Variants in CNTN5 observed in about 807,000 individuals in gnomAD.
The protein encoded by CNTN5 is contactin-5.
Under a neutral mutation model 129.1 loss-of-function variants are expected in CNTN5, and 77 were observed. The ratio of observed to expected loss-of-function variants is 0.60; its 90% CI spans 0.50 to 0.72. CNTN5 has a LOEUF of 0.72. Ranked by LOEUF, CNTN5 falls within the 30% of genes least tolerant of loss-of-function variation. CNTN5 has a pLI of 0.00. For synonymous variants in CNTN5, 509 were observed against 465.6 expected, an observed-to-expected ratio of 1.09 and a Z score of -1.20; for missense variants, 1,478 against 1,328.8, an observed-to-expected ratio of 1.11 and a Z score of -1.75.
At chr11:100,202,474 T>C (rs961553509) in intron 15 of CNTN5, among the ~76,000 whole-genome samples, 5 of 151,448 alleles carry the variant, frequency 3.3e-5, no homozygotes, top group Non-Finnish European at 5.9e-5. Flanking sequence ...TATTTATACA[T>C]TTCACTATCA....
intron 3 of CNTN5, among the ~76,000 whole-genome samples, chr11:99,698,313 A>G (rs907644576): frequency 6.6e-6 from 1 of 151,336 alleles, no homozygotes; most frequent in Non-Finnish European, 1.5e-5. Flanking sequence ...GATTATTTAA[A>G]ATGTCTAGAG....
At chr11:100,308,675 C>T in intron 21 of CNTN5, 1 of 1,191,770 alleles carries the variant, frequency 8.4e-7, no homozygotes, top group Non-Finnish European at 1.0e-6. Context: ...GCTTCCGTAG[C>T]ACTATGCAAA....
intron 3 of CNTN5, among the ~76,000 whole-genome samples, chr11:99,633,309 C>A (rs1951432431): frequency 6.6e-6 from 1 of 152,082 alleles, no homozygotes; most frequent in Non-Finnish European, 1.5e-5. Flanking sequence ...TCCTGCTATG[C>A]CTGCATTGTA....
chr11:99,783,237 C>T (rs1321932971), intron 3 of CNTN5, among the ~76,000 whole-genome samples: 1 of 97,050 alleles, frequency 1.0e-5, no homozygotes, highest in African/African-American at 4.1e-5. Flanking sequence ...CATCACTGGC[C>T]ATCAGAGAAA....
intron 1 of CNTN5, among the ~76,000 whole-genome samples, chr11:99,279,610 T>A (rs373635417): frequency 2.0e-5 from 3 of 151,772 alleles, no homozygotes; most frequent in African/African-American, 7.3e-5. Context: ...TGGACTGATA[T>A]GGTTGTCATT....
intron 8 of CNTN5, among the ~76,000 whole-genome samples, chr11:99,997,637 C>G (rs1939544287): frequency 6.6e-6 from 1 of 152,142 alleles, no homozygotes; most frequent in Admixed American, 6.5e-5. Flanking sequence ...AAGAGGGAAT[C>G]CTCCCTAACT....
chr11:99,987,537 A>G, intron 8 of CNTN5, among the ~76,000 whole-genome samples: 1 of 150,214 alleles, frequency 6.7e-6, no homozygotes, highest in Middle Eastern at 3.6e-3. Context: ...ATATATATAT[A>G]TATATACACA....
intron 1 of CNTN5, among the ~76,000 whole-genome samples, chr11:99,201,357 T>TCCTC (rs1859186493): frequency 7.1e-6 from 1 of 141,284 alleles, no homozygotes; most frequent in African/African-American, 2.7e-5. Context: ...TTCCTTTCCT[T>TCCTC]CCTTCCTTCC....
At chr11:100,156,932 A>G (rs371224072) in intron 13 of CNTN5, among the ~76,000 whole-genome samples, 1 of 151,908 alleles carries the variant, frequency 6.6e-6, no homozygotes, top group East Asian at 1.9e-4. Flanking sequence ...GTCTTTTTAA[A>G]AAACCAGCTC....
chr11:99,030,362 C>A (rs2135085570), intron 1 of CNTN5, among the ~76,000 whole-genome samples: 1 of 152,154 alleles, frequency 6.6e-6, no homozygotes, highest in East Asian at 1.9e-4. Flanking sequence ...CTCTAGTATT[C>A]TAAATATGCA....
intron 1 of CNTN5, among the ~76,000 whole-genome samples, chr11:99,066,296 G>A (rs915165005): frequency 6.6e-6 from 1 of 151,876 alleles, no homozygotes; most frequent in Non-Finnish European, 1.5e-5. Context: ...TGGAGATGGG[G>A]TTTCACCATG....
chr11:100,073,529 T>A (rs2137884697), intron 12 of CNTN5, among the ~76,000 whole-genome samples: 1 of 151,956 alleles, frequency 6.6e-6, no homozygotes, highest in South Asian at 2.1e-4. Context: ...ATCTTTCAGG[T>A]TCTCTTTTAG....
intron 1 of CNTN5, among the ~76,000 whole-genome samples, chr11:99,311,662 A>C (rs1451164381): frequency 6.6e-6 from 1 of 152,184 alleles, no homozygotes; most frequent in East Asian, 1.9e-4. Context: ...TTTATTTTCA[A>C]GTGGTTCTTG....
At chr11:100,176,417 T>C (rs1947964599) in intron 13 of CNTN5, among the ~76,000 whole-genome samples, 1 of 152,152 alleles carries the variant, frequency 6.6e-6, no homozygotes, top group Non-Finnish European at 1.5e-5. Context: ...TTCAAGCCAA[T>C]AGTTATTTTT....
intron 4 of CNTN5, among the ~76,000 whole-genome samples, chr11:99,833,867 C>T (rs1267069643): frequency 3.3e-5 from 5 of 152,110 alleles, no homozygotes; most frequent in South Asian, 2.1e-4. Flanking sequence ...GTTGCTGTGT[C>T]GCTTCCTTCT....
intron 3 of CNTN5, among the ~76,000 whole-genome samples, chr11:99,750,790 A>G (rs1944206421): frequency 6.6e-6 from 1 of 152,226 alleles, no homozygotes; most frequent in Admixed American, 6.5e-5. Context: ...ATTCCCTCTT[A>G]AAGCATCAGA....
At chr11:99,281,664 C>T (rs1451734731) in intron 1 of CNTN5, among the ~76,000 whole-genome samples, 1 of 151,938 alleles carries the variant, frequency 6.6e-6, no homozygotes, top group Non-Finnish European at 1.5e-5. Flanking sequence ...TAGTTTCCCT[C>T]TTCTTTTGCT....
At chr11:99,988,670 G>A (rs922728587) in intron 8 of CNTN5, among the ~76,000 whole-genome samples, 1 of 152,182 alleles carries the variant, frequency 6.6e-6, no homozygotes, top group South Asian at 2.1e-4. Context: ...AAGACAGGAA[G>A]GGACCGAGTC....
intron 2 of CNTN5, among the ~76,000 whole-genome samples, chr11:99,402,489 T>C (rs1041000479): frequency 1.3e-5 from 2 of 152,148 alleles, no homozygotes; most frequent in Non-Finnish European, 2.9e-5. Context: ...TTGTTAAGGG[T>C]TTTTGCATCA....
Sources: gnomAD v4.1 joint callset for allele counts (sites outside exome capture counted in the v4.1 genomes callset) on GRCh38, gnomAD v4.1.1 for gene constraint, MANE v1.5 for transcripts, NCBI Gene and HGNC (gene_info 2026-07-23, HGNC 2026-07-21) for gene names.